Variants in CUBN observed in about 807,000 individuals in gnomAD.
CUBN encodes the protein cubilin.
CUBN carries 282 observed loss-of-function variants against 405.3 expected under a neutral mutation model. The observed-to-expected ratio is 0.70, with a 90% confidence interval of 0.63 to 0.77. The LOEUF (loss-of-function observed/expected upper bound fraction) is 0.77. Ranked by LOEUF, CUBN falls within the 30% of genes least tolerant of loss-of-function variation. The pLI, the probability that CUBN is intolerant of heterozygous loss-of-function variation, is 0.00. For missense variants in CUBN, 4,514 were observed against 4,475.2 expected (o/e 1.01, Z -0.25); for synonymous variants, 1,684 against 1,617.0 (o/e 1.04, Z -0.99).
At chr10:16,849,342 G>A (rs1839610348) in intron 60 of CUBN, among the ~76,000 whole-genome samples, 1 of 139,360 alleles carries the variant, frequency 7.2e-6, no homozygotes, top group Admixed American at 7.3e-5. Context: ...TACTTTTCCT[G>A]GAGCTGAGAG....
chr10:16,859,729 T>C (rs1024263735), intron 59 of CUBN, among the ~76,000 whole-genome samples: 4 of 151,872 alleles, frequency 2.6e-5, no homozygotes, highest in African/African-American at 7.3e-5. Context: ...AAAAGAGAGG[T>C]CTTCCAAAAG....
At chr10:16,939,735 C>T (rs561152732) in intron 37 of CUBN, among the ~76,000 whole-genome samples, 2 of 152,044 alleles carry the variant, frequency 1.3e-5, no homozygotes, top group Non-Finnish European at 2.9e-5. Flanking sequence ...CAAACCCAAA[C>T]TATAATATAT....
chr10:16,890,549 C>G (rs760412565), intron 54 of CUBN, 22 bp from the exon 55 acceptor site: 22 of 1,613,788 alleles, frequency 1.4e-5, no homozygotes, highest in Non-Finnish European at 1.7e-5. Context: ...ATACACAGAA[C>G]TTTAATGCTC....
At chr10:17,015,030 T>C (rs547677989) in intron 28 of CUBN, among the ~76,000 whole-genome samples, 3 of 152,244 alleles carry the variant, frequency 2.0e-5, no homozygotes, top group Non-Finnish European at 4.4e-5. Context: ...ACCTCATTGA[T>C]GAGTCCAAGA....
chr10:17,080,680 T>C (rs1048465317), intron 17 of CUBN, among the ~76,000 whole-genome samples: 3 of 152,206 alleles, frequency 2.0e-5, no homozygotes, highest in African/African-American at 7.2e-5. Context: ...CACCTTAACA[T>C]CGTATAGCCT....
chr10:17,005,619 C>A (rs1833995858), intron 28 of CUBN, among the ~76,000 whole-genome samples: 1 of 152,212 alleles, frequency 6.6e-6, no homozygotes, highest in African/African-American at 2.4e-5. Context: ...TCAAAGCTGC[C>A]TGGAGGTCTC....
rs556375363 is a variant in CUBN, at chr10:17,006,801, C to A, written c.4168+13032G>T. 9.2e-5 allele frequency among the ~76,000 whole-genome samples: 14 copies of A among 152,216 alleles called. No homozygotes were observed. In the East Asian group the frequency reaches 2.7e-3, roughly 29 times the overall value. ...TTCTCTTCTAATTTCTGAAACTTCT[C>A]AAGGCTTGAGAAATCTCCTTAATAG... On this transcript the variant is annotated intron_variant, in intron 28 of 66. Coordinates refer to ENST00000377833, the MANE Select transcript of CUBN (RefSeq NM_001081.4).
At chr10:17,066,254 G>A (rs573744016) in intron 21 of CUBN, among the ~76,000 whole-genome samples, 1 of 151,938 alleles carries the variant, frequency 6.6e-6, no homozygotes, top group East Asian at 1.9e-4. Flanking sequence ...AACAAAAGCA[G>A]TTTAGCTCAG....
intron 6 of CUBN, 194 bp downstream of exon 6, chr10:17,122,601 G>A: frequency 1.6e-6 from 1 of 634,256 alleles, no homozygotes; most frequent in East Asian, 3.2e-5. Flanking sequence ...CGGGGTGAGA[G>A]TAAAGGACTC....
chr10:16,903,597 A>G (rs1458692637), intron 51 of CUBN, among the ~76,000 whole-genome samples: 1 of 149,288 alleles, frequency 6.7e-6, no homozygotes, highest in Non-Finnish European at 1.5e-5. Context: ...TATAAAATTT[A>G]TAATAATTAT....
intron 28 of CUBN, among the ~76,000 whole-genome samples, chr10:17,018,271 T>C (rs191656825): frequency 6.6e-6 from 1 of 152,178 alleles, no homozygotes; most frequent in Non-Finnish European, 1.5e-5. Flanking sequence ...TACTCACCGC[T>C]TGGTGATTGT....
intron 31 of CUBN, among the ~76,000 whole-genome samples, chr10:16,964,463 G>A (rs1038162345): frequency 2.6e-5 from 4 of 152,112 alleles, no homozygotes; most frequent in African/African-American, 9.7e-5. Flanking sequence ...GTGTGTACAT[G>A]AGTGCGTGTA....
At chr10:17,037,769 G>C (rs1044432522) in intron 27 of CUBN, among the ~76,000 whole-genome samples, 1 of 152,096 alleles carries the variant, frequency 6.6e-6, no homozygotes, top group Admixed American at 6.5e-5. Flanking sequence ...AGAATTCAGG[G>C]ACCTAGACTT....
intron 28 of CUBN, among the ~76,000 whole-genome samples, chr10:17,017,733 A>C (rs1834371974): frequency 1.3e-5 from 2 of 152,150 alleles, no homozygotes; most frequent in African/African-American, 2.4e-5. Flanking sequence ...CCAGGTGCCT[A>C]AAGAAGGTAA....
intron 6 of CUBN, among the ~76,000 whole-genome samples, chr10:17,117,135 C>T (rs1564521950): frequency 1.3e-5 from 2 of 151,764 alleles, no homozygotes; most frequent in African/African-American, 4.8e-5. Context: ...CCCCCATAGA[C>T]ATTTATATTC....
intron 21 of CUBN, 76 bp downstream of exon 21, chr10:17,067,988 C>G (rs904277341): frequency 8.3e-7 from 1 of 1,211,444 alleles, no homozygotes; most frequent in Admixed American, 1.7e-5. Context: ...ACAACGTGGT[C>G]AATTTTAAGA....
intron 25 of CUBN, among the ~76,000 whole-genome samples, chr10:17,044,468 T>C (rs1168299684): frequency 6.6e-6 from 1 of 152,056 alleles, no homozygotes; most frequent in Non-Finnish European, 1.5e-5. Flanking sequence ...GAGCTTACAC[T>C]GAAGGCTGAA....
chr10:16,850,633 G>A (rs1306179164), intron 60 of CUBN, among the ~76,000 whole-genome samples: 9 of 152,086 alleles, frequency 5.9e-5, no homozygotes, highest in South Asian at 2.1e-4. Flanking sequence ...CGCCACACCC[G>A]GCTAATTTTT....
intron 31 of CUBN, among the ~76,000 whole-genome samples, chr10:16,972,841 G>A (rs1832974355): frequency 6.6e-6 from 1 of 151,500 alleles, no homozygotes; most frequent in African/African-American, 2.4e-5. Context: ...AGTTCTCCAC[G>A]TGTCCCTGCG....
Sources: gnomAD v4.1 joint callset for allele counts (sites outside exome capture counted in the v4.1 genomes callset) on GRCh38, gnomAD v4.1.1 for gene constraint, MANE v1.5 for transcripts, NCBI Gene and HGNC (gene_info 2026-07-23, HGNC 2026-07-21) for gene names.